BRINP1: variants seen among roughly 807,000 people sequenced by gnomAD.
BRINP1 encodes the protein BMP/retinoic acid inducible neural specific 1, also known as BMP/retinoic acid-inducible neural-specific protein 1.
Under a neutral mutation model 72.9 loss-of-function variants are expected in BRINP1, and 17 were observed. The ratio of observed to expected loss-of-function variants is 0.23; its 90% CI spans 0.16 to 0.35. BRINP1 has a LOEUF of 0.35. Ranked by LOEUF, BRINP1 falls within the 10% of genes least tolerant of loss-of-function variation. The pLI, the probability that BRINP1 is intolerant of heterozygous loss-of-function variation, is 1.00. For missense variants in BRINP1, 850 were observed against 1,001.6 expected (o/e 0.85, Z 2.04); for synonymous variants, 418 against 378.5 (o/e 1.10, Z -1.21).
chr9:119,277,432 T>C (rs950733957), intron 2 of BRINP1, among the ~76,000 whole-genome samples: 3 of 152,182 alleles, frequency 2.0e-5, no homozygotes, highest in African/African-American at 7.2e-5. Flanking sequence ...ATCAAGTTGG[T>C]AGCTTGATGG....
At chr9:119,247,326 G>C (rs1830330860) in intron 3 of BRINP1, among the ~76,000 whole-genome samples, 1 of 152,064 alleles carries the variant, frequency 6.6e-6, no homozygotes, top group South Asian at 2.1e-4. Flanking sequence ...GGTGGAGCGG[G>C]TATTGGGTTG....
At chr9:119,232,478 T>A (rs1830157563) in intron 5 of BRINP1, among the ~76,000 whole-genome samples, 1 of 152,192 alleles carries the variant, frequency 6.6e-6, no homozygotes, top group Non-Finnish European at 1.5e-5. Flanking sequence ...ATAAAGTTTT[T>A]GCCATGTTCT....
intron 1 of BRINP1, among the ~76,000 whole-genome samples, chr9:119,335,018 TG>T (rs1484386053): frequency 3.3e-5 from 5 of 152,058 alleles, no homozygotes; most frequent in African/African-American, 1.2e-4. Flanking sequence ...GAGTGAGTGA[TG>T]GGGTGGCCAT....
intron 3 of BRINP1, among the ~76,000 whole-genome samples, chr9:119,242,422 A>T (rs1434597986): frequency 6.6e-6 from 1 of 152,220 alleles, no homozygotes; most frequent in African/African-American, 2.4e-5. Flanking sequence ...AAGGATCATT[A>T]AAAAACCCCC....
chr9:119,225,148 A>C (rs1383405748), intron 5 of BRINP1, among the ~76,000 whole-genome samples: 3 of 152,094 alleles, frequency 2.0e-5, no homozygotes, highest in African/African-American at 7.2e-5. Context: ...TCCACTGACC[A>C]ATAAATGAAA....
intron 1 of BRINP1, among the ~76,000 whole-genome samples, chr9:119,361,824 G>A (rs1215690996): frequency 3.4e-5 from 4 of 117,800 alleles, no homozygotes; most frequent in Non-Finnish European, 6.7e-5. Context: ...TTTTTTTGGA[G>A]ACAGAGTCTC....
intron 1 of BRINP1, among the ~76,000 whole-genome samples, chr9:119,340,232 G>A (rs1322238011): frequency 6.6e-6 from 1 of 152,142 alleles, no homozygotes; most frequent in African/African-American, 2.4e-5. Flanking sequence ...AAATAAAAAT[G>A]GAACAAAGAA....
intron 2 of BRINP1, among the ~76,000 whole-genome samples, chr9:119,266,883 T>C (rs1830553601): frequency 6.6e-6 from 1 of 152,258 alleles, no homozygotes; most frequent in Non-Finnish European, 1.5e-5. Context: ...TTAAGTGAGA[T>C]GAAAAGCCAC....
At chr9:119,244,128 C>A (rs1830288502) in intron 3 of BRINP1, among the ~76,000 whole-genome samples, 1 of 152,202 alleles carries the variant, frequency 6.6e-6, no homozygotes, top group Non-Finnish European at 1.5e-5. Context: ...TTCTGGGATG[C>A]CTTCCCTTAG....
intron 1 of BRINP1, among the ~76,000 whole-genome samples, chr9:119,328,646 T>C (rs1831263041): frequency 6.6e-6 from 1 of 152,170 alleles, no homozygotes. Context: ...TAGGGAGCCA[T>C]AGGCTGATAA....
Position 119,172,160 on chromosome 9 carries a change from C to CA in BRINP1, c.1146-3937dup, listed in dbSNP as rs1158166303. On this transcript the variant is annotated intron_variant, in intron 7 of 7. Coordinates refer to ENST00000265922, the MANE Select transcript of BRINP1 (RefSeq NM_014618.3). ...AGCAGAACTGAAGGAAATAGAGACA[C>CA]AAAAAACCCATCAAAAAGTTAATGA... Among the ~76,000 whole-genome samples the CA allele has an allele frequency of 3.8e-3, 580 of 151,852 alleles. 5 individuals are homozygous for CA. Among genetic ancestry groups the CA allele is most frequent in the African/African-American group, 0.012 (507 of 41,336 alleles).
intron 7 of BRINP1, among the ~76,000 whole-genome samples, chr9:119,194,881 T>G (rs1829719689): frequency 6.6e-6 from 1 of 152,280 alleles, no homozygotes; most frequent in East Asian, 1.9e-4. Context: ...TCCTGACCCC[T>G]GGAAACTATA....
chr9:119,230,965 T>C (rs1362282263), intron 5 of BRINP1, among the ~76,000 whole-genome samples: 1 of 151,948 alleles, frequency 6.6e-6, no homozygotes, highest in Non-Finnish European at 1.5e-5. Context: ...CTTTTGGAAA[T>C]TGGGAATAAG....
chr9:119,222,664 A>G (rs1830051501), intron 5 of BRINP1, among the ~76,000 whole-genome samples: 1 of 150,816 alleles, frequency 6.6e-6, no homozygotes, highest in Admixed American at 6.6e-5. Context: ...CATGGAACCT[A>G]CCTTGTAGTG....
At chr9:119,263,601 C>CATTT (rs770303192) in intron 2 of BRINP1, among the ~76,000 whole-genome samples, 1 of 78,560 alleles carries the variant, frequency 1.3e-5, no homozygotes, top group Non-Finnish European at 2.2e-5. Flanking sequence ...GTAAACAATT[C>CATTT]TTTTTTTTTT....
chr9:119,350,182 G>C (rs1338736145), intron 1 of BRINP1, among the ~76,000 whole-genome samples: 1 of 152,166 alleles, frequency 6.6e-6, no homozygotes, highest in African/African-American at 2.4e-5. Flanking sequence ...CAGCATCTGG[G>C]AACAACTGCT....
intron 7 of BRINP1, among the ~76,000 whole-genome samples, chr9:119,205,232 G>A (rs905044652): frequency 6.6e-6 from 1 of 152,140 alleles, no homozygotes; most frequent in African/African-American, 2.4e-5. Context: ...AGAGGAATTA[G>A]CCACAGAGCC....
chr9:119,335,995 T>C (rs1200828312), intron 1 of BRINP1, among the ~76,000 whole-genome samples: 1 of 152,202 alleles, frequency 6.6e-6, no homozygotes, highest in East Asian at 1.9e-4. Context: ...ACTTGCTTGA[T>C]GTCCAGGGAG....
chr9:119,358,387 TA>T (rs5900396), intron 1 of BRINP1, among the ~76,000 whole-genome samples: 11,758 of 133,968 alleles, frequency 0.088, 759 homozygotes, highest in East Asian at 0.36. Flanking sequence ...TTATATGTAT[TA>T]AAAAAAAAAA....
Sources: gnomAD v4.1 joint callset for allele counts (sites outside exome capture counted in the v4.1 genomes callset) on GRCh38, gnomAD v4.1.1 for gene constraint, MANE v1.5 for transcripts, NCBI Gene and HGNC (gene_info 2026-07-23, HGNC 2026-07-21) for gene names.